Variants in ZNF804B observed in about 807,000 individuals in gnomAD.
The protein encoded by ZNF804B is zinc finger protein 804B.
A neutral mutation model predicts 101.4 loss-of-function variants in ZNF804B; 80 were observed. The ratio of observed to expected loss-of-function variants is 0.79; its 90% CI spans 0.66 to 0.95. The LOEUF (loss-of-function observed/expected upper bound fraction) is 0.95, where lower values mean the gene tolerates loss of function less well. Among genes scored for constraint, ZNF804B ranks in the 40% least tolerant of loss-of-function variants. The probability of loss-of-function intolerance (pLI) is 0.00; values close to 1 mark genes in which losing one functional copy is unlikely to be tolerated. For synonymous variants in ZNF804B, 622 were observed against 558.8 expected (o/e 1.11, Z -1.59); for missense variants, 1,673 against 1,561.9 (o/e 1.07, Z -1.20).
In ZNF804B at chr7:89,035,981, G is replaced by GTATAGTATATATTATATGATATATTAATA. The variant is rs1173764480; in HGVS notation, c.109-182159_109-182131dup. Among the ~76,000 whole-genome samples, 55 of 139,244 alleles carry GTATAGTATATATTATATGATATATTAATA rather than the reference G, an allele frequency of 3.9e-4. 1 individual carries two copies. The Middle Eastern group carries it at 0.018, about 47-fold the overall frequency. The allele number at this position is 139,244 out of a possible 152,430, so 91.3% of individuals were successfully genotyped here. ...TATACAATACATATTATATATTGTAGTATAGTATATATTATATGATATATT... is the reference window on the plus strand; with the variant it reads ...TATACAATACATATTATATATTGTAGTATAGTATATATTATATGATATATTAATATATAGTATATATTATATGATATATT... On this transcript the variant is annotated intron_variant, in intron 1 of 3. Transcript: ENST00000333190.
intron 1 of ZNF804B, among the ~76,000 whole-genome samples, chr7:89,154,055 A>G (rs201591973): frequency 1.6e-5 from 1 of 62,352 alleles, no homozygotes; most frequent in South Asian, 5.7e-4. Context: ...TAATAATCCA[A>G]TCAAAAAATG....
intron 1 of ZNF804B, among the ~76,000 whole-genome samples, chr7:88,960,783 A>G (rs1055685831): frequency 6.6e-6 from 1 of 151,330 alleles, no homozygotes; most frequent in African/African-American, 2.4e-5. Context: ...ACATGATATA[A>G]TTAGTGTGCC....
chr7:89,313,299 A>G (rs1790670643), intron 2 of ZNF804B, among the ~76,000 whole-genome samples: 1 of 152,190 alleles, frequency 6.6e-6, no homozygotes, highest in African/African-American at 2.4e-5. Flanking sequence ...TTTACTCTGA[A>G]CTAAAGAAAA....
chr7:89,103,048 GTTTTTTTTT>G (rs56693128), intron 1 of ZNF804B, among the ~76,000 whole-genome samples: 667 of 33,680 alleles, frequency 0.02, 5 homozygotes, highest in African/African-American at 0.041. Context: ...CTATGTGTCT[GTTTTTTTTT>G]TTTTTTTTTT....
At chr7:89,178,891 A>C (rs1301228850) in intron 1 of ZNF804B, among the ~76,000 whole-genome samples, 4 of 152,098 alleles carry the variant, frequency 2.6e-5, no homozygotes, top group Admixed American at 1.3e-4. Flanking sequence ...TTCGTCTGGG[A>C]AAGTCTTTAT....
chr7:88,836,885 T>A (rs1341557905), intron 1 of ZNF804B, among the ~76,000 whole-genome samples: 1 of 151,984 alleles, frequency 6.6e-6, no homozygotes, highest in Non-Finnish European at 1.5e-5. Flanking sequence ...CAAGGAACTC[T>A]GTTCTTTGTT....
rs534021559 is a variant in ZNF804B, at chr7:88,843,702, A to G, written c.108+83618A>G. Among the ~76,000 whole-genome samples the G allele has an allele frequency of 2.0e-3, 300 of 152,214 alleles. 1 individual carries two copies. The highest frequency in any genetic ancestry group is 7.0e-3 in the African/African-American group (290 of 41,544). ...CAGTGAGCCAAGATTGCACTACTGT[A>G]CTCCAGCCTGGCTGACAGAGCGAGA... On this transcript the variant is annotated intron_variant, in intron 1 of 3. Transcript: ENST00000333190.
intron 1 of ZNF804B, among the ~76,000 whole-genome samples, chr7:89,070,490 C>T (rs1789519786): frequency 6.6e-6 from 1 of 152,132 alleles, no homozygotes; most frequent in Non-Finnish European, 1.5e-5. Context: ...GTGTTAGAAT[C>T]AGGCTGCTGT....
At chr7:89,154,866 A>G (rs1469464145) in intron 1 of ZNF804B, among the ~76,000 whole-genome samples, 1 of 152,082 alleles carries the variant, frequency 6.6e-6, no homozygotes, top group African/African-American at 2.4e-5. Flanking sequence ...CTACAATAGT[A>G]TAAATATACA....
At chr7:89,125,332 A>G (rs1362528558) in intron 1 of ZNF804B, among the ~76,000 whole-genome samples, 3 of 151,912 alleles carry the variant, frequency 2.0e-5, no homozygotes, top group African/African-American at 7.2e-5. Context: ...ATATGAATGT[A>G]TATATATTAT....
intron 1 of ZNF804B, among the ~76,000 whole-genome samples, chr7:88,994,924 C>G (rs775308936): frequency 6.6e-6 from 1 of 152,036 alleles, no homozygotes; most frequent in Non-Finnish European, 1.5e-5. Context: ...AGAGTATATA[C>G]CAGCTTCCGG....
At chr7:88,823,930 G>T (rs922554503) in intron 1 of ZNF804B, among the ~76,000 whole-genome samples, 1 of 152,162 alleles carries the variant, frequency 6.6e-6, no homozygotes, top group Admixed American at 6.5e-5. Context: ...ATGAGCAGCA[G>T]CCTGAATGCT....
chr7:89,202,978 C>T (rs909154397), intron 1 of ZNF804B, among the ~76,000 whole-genome samples: 4 of 151,988 alleles, frequency 2.6e-5, no homozygotes, highest in African/African-American at 9.7e-5. Flanking sequence ...AGCTACAATA[C>T]GTCTCTTTTT....
At chr7:89,250,303 A>ACACT (rs1355088409) in intron 2 of ZNF804B, among the ~76,000 whole-genome samples, 3 of 152,198 alleles carry the variant, frequency 2.0e-5, no homozygotes, top group African/African-American at 7.2e-5. Context: ...ATTGTTATGA[A>ACACT]CACTCCCATA....
intron 1 of ZNF804B, among the ~76,000 whole-genome samples, chr7:89,112,893 T>C (rs563988066): frequency 6.6e-6 from 1 of 152,302 alleles, no homozygotes; most frequent in African/African-American, 2.4e-5. Flanking sequence ...ATGTTAGATA[T>C]TTAGAATTTG....
intron 1 of ZNF804B, among the ~76,000 whole-genome samples, chr7:88,910,038 T>C (rs1792526075): frequency 6.6e-6 from 1 of 151,992 alleles, no homozygotes; most frequent in African/African-American, 2.4e-5. Context: ...ATGTATATAT[T>C]ATCATGAGAT....
intron 2 of ZNF804B, among the ~76,000 whole-genome samples, chr7:89,315,578 AT>A (rs764652456): frequency 6.6e-6 from 1 of 152,124 alleles, no homozygotes. Flanking sequence ...TATATTGTTG[AT>A]TTTTATATTA....
chr7:89,221,680 C>T (rs10275999), intron 2 of ZNF804B, among the ~76,000 whole-genome samples: 43,699 of 145,804 alleles, frequency 0.3, 6,571 homozygotes, highest in African/African-American at 0.35. Flanking sequence ...GATAAACAAC[C>T]TTCCTCAATA....
chr7:89,162,197 A>C (rs546672821), intron 1 of ZNF804B, among the ~76,000 whole-genome samples: 4 of 152,312 alleles, frequency 2.6e-5, no homozygotes, highest in African/African-American at 9.6e-5. Flanking sequence ...TAACAAGTAT[A>C]GATACACATC....
Sources: gnomAD v4.1 joint callset for allele counts (sites outside exome capture counted in the v4.1 genomes callset) on GRCh38, gnomAD v4.1.1 for gene constraint, MANE v1.5 for transcripts, NCBI Gene and HGNC (gene_info 2026-07-23, HGNC 2026-07-21) for gene names.